Variants in FSTL4 observed in about 807,000 individuals in gnomAD.
FSTL4 encodes the protein follistatin like 4, also known as follistatin-related protein 4.
FSTL4 carries 28 observed loss-of-function variants against 78.2 expected under a neutral mutation model. That is an observed-to-expected ratio of 0.36 (90% confidence interval 0.27 to 0.49). The LOEUF is 0.49. Among genes scored for constraint, FSTL4 ranks in the 20% least tolerant of loss-of-function variants. The pLI, the probability that FSTL4 is intolerant of heterozygous loss-of-function variation, is 0.98. For synonymous variants in FSTL4, 422 were observed against 440.5 expected (o/e 0.96, Z 0.53); for missense variants, 922 against 1,084.9 (o/e 0.85, Z 2.11).
chr5:133,752,624 AAAATTAAATTAAATT>A, the FSTL4 span, among the ~76,000 whole-genome samples: 1 of 147,844 alleles, frequency 6.8e-6, no homozygotes, highest in African/African-American at 2.5e-5. Flanking sequence ...AAAATAAAAT[AAAATTAAATTAAATT>A]AAATTAAATT....
At chr5:133,347,759 C>G (rs1754727900) in intron 4 of FSTL4, among the ~76,000 whole-genome samples, 1 of 152,180 alleles carries the variant, frequency 6.6e-6, no homozygotes, top group African/African-American at 2.4e-5. Flanking sequence ...AAAACAAAAA[C>G]AAACAAAACC....
chr5:133,497,609 G>T (rs913454723), intron 3 of FSTL4, among the ~76,000 whole-genome samples: 2 of 152,118 alleles, frequency 1.3e-5, no homozygotes, highest in Non-Finnish European at 2.9e-5. Flanking sequence ...GGCAGACAGG[G>T]GTACTGGGGC....
At chr5:133,615,063 T>A (rs1444766951), upstream of FSTL4, among the ~76,000 whole-genome samples, 1 of 152,174 alleles carries the variant, frequency 6.6e-6, no homozygotes, top group Non-Finnish European at 1.5e-5. Flanking sequence ...CACCTGCATA[T>A]CAGGATACTC....
At chr5:133,203,420 C>T (rs1430785630) in intron 14 of FSTL4, among the ~76,000 whole-genome samples, 1 of 152,312 alleles carries the variant, frequency 6.6e-6, no homozygotes, top group South Asian at 2.1e-4. Flanking sequence ...AAACAAACAG[C>T]ACCTGGCCTG....
chr5:133,718,860 C>T, the FSTL4 span, among the ~76,000 whole-genome samples: 2 of 152,132 alleles, frequency 1.3e-5, no homozygotes, highest in African/African-American at 4.8e-5. Context: ...CATGTACATA[C>T]CAATAAGCTA....
At chr5:133,327,091 C>T (rs1055473190) in intron 4 of FSTL4, among the ~76,000 whole-genome samples, 1 of 152,184 alleles carries the variant, frequency 6.6e-6, no homozygotes, top group African/African-American at 2.4e-5. Context: ...AGTAGCAGAT[C>T]CAAGATCAGA....
At chr5:133,630,718 T>A in the FSTL4 span, among the ~76,000 whole-genome samples, 1 of 152,312 alleles carries the variant, frequency 6.6e-6, no homozygotes, top group East Asian at 1.9e-4. Context: ...GCTGGAGGCA[T>A]CACGCTACCT....
At chr5:133,314,878 T>C (rs1229864704) in intron 5 of FSTL4, among the ~76,000 whole-genome samples, 1 of 152,172 alleles carries the variant, frequency 6.6e-6, no homozygotes, top group African/African-American at 2.4e-5. Context: ...AAACACACCA[T>C]GTGGCCAGGC....
the FSTL4 span, among the ~76,000 whole-genome samples, chr5:133,758,255 G>T: frequency 6.6e-6 from 1 of 152,154 alleles, no homozygotes; most frequent in East Asian, 1.9e-4. Context: ...TAGGAAGGTT[G>T]AGAATAGATA....
In FSTL4 at chr5:133,418,939, G is replaced by A. The variant is rs1337200719; in HGVS notation, c.161-17953C>T. Among the ~76,000 whole-genome samples, 4 of 152,066 alleles carry A rather than the reference G, an allele frequency of 2.6e-5. No individual in the cohort carries two copies. In the East Asian group the frequency reaches 7.7e-4, roughly 29 times the overall value. On this transcript the variant is annotated intron_variant, in intron 3 of 15. Transcript: ENST00000265342. Reference sequence around the variant, plus strand: ...CCAACCCAAGTCTGATCTGGCTTTTGTCATCAGACATTAGTTTGGATTTCC... The same window carrying A: ...CCAACCCAAGTCTGATCTGGCTTTTATCATCAGACATTAGTTTGGATTTCC...
intron 3 of FSTL4, among the ~76,000 whole-genome samples, chr5:133,435,540 C>A (rs902159479): frequency 6.6e-6 from 1 of 152,182 alleles, no homozygotes; most frequent in East Asian, 1.9e-4. Context: ...ATGAAGTCAT[C>A]CACCTTATTA....
the FSTL4 span, among the ~76,000 whole-genome samples, chr5:133,794,631 T>C: frequency 6.6e-6 from 1 of 152,168 alleles, no homozygotes; most frequent in Non-Finnish European, 1.5e-5. Flanking sequence ...TAGAATCCTA[T>C]TACATAAAAC....
At position 133,582,819 on chromosome 5, in the gene FSTL4, G is replaced by C. The variant is rs561829800; in HGVS notation, c.127-15600C>G. ...TTCTGCAGGTATAGATACCTCATCTGTCCTGGGCCCTGTATGTCCCTGGGC... is the reference window on the plus strand; with the variant it reads ...TTCTGCAGGTATAGATACCTCATCTCTCCTGGGCCCTGTATGTCCCTGGGC... On this transcript the variant is annotated intron_variant, in intron 2 of 15. Coordinates refer to ENST00000265342, the MANE Select transcript of FSTL4 (RefSeq NM_015082.2). 5.8e-4 allele frequency among the ~76,000 whole-genome samples: 88 copies of C among 152,224 alleles called. 1 individual carries two copies. Among genetic ancestry groups the C allele is most frequent in the African/African-American group, 2.0e-3 (84 of 41,518 alleles).
the FSTL4 span, among the ~76,000 whole-genome samples, chr5:133,767,778 C>G: frequency 6.6e-6 from 1 of 152,210 alleles, no homozygotes; most frequent in Admixed American, 6.5e-5. Context: ...GGTTCTAGCA[C>G]ACAGGCAGCT....
Position 133,262,100 on chromosome 5 carries a change from T to C in FSTL4, c.728-12524A>G, listed in dbSNP as rs992641372. 2.0e-5 allele frequency among the ~76,000 whole-genome samples: 3 copies of C among 152,076 alleles called. No homozygotes were observed. The South Asian group carries it at 6.2e-4, about 32-fold the overall frequency. On this transcript the variant is annotated intron_variant, in intron 6 of 15. Transcript: ENST00000265342. Reference sequence around the variant, plus strand: ...GGCAAAGGTTAAGTCTCGCACCCCCTATGCTTGAATAAACTGCGCTCTACC... The same window carrying C: ...GGCAAAGGTTAAGTCTCGCACCCCCCATGCTTGAATAAACTGCGCTCTACC...
chr5:133,514,892 T>A (rs1021187978), intron 3 of FSTL4, among the ~76,000 whole-genome samples: 1 of 152,222 alleles, frequency 6.6e-6, no homozygotes, highest in Admixed American at 6.5e-5. Flanking sequence ...TTAGGAAGTA[T>A]AATAAGGAAG....
At chr5:133,551,717 T>C (rs1453998213) in intron 3 of FSTL4, among the ~76,000 whole-genome samples, 1 of 152,258 alleles carries the variant, frequency 6.6e-6, no homozygotes, top group Non-Finnish European at 1.5e-5. Context: ...AATGTCTCTT[T>C]TTCTAACCCA....
the FSTL4 span, among the ~76,000 whole-genome samples, chr5:133,832,827 T>C: frequency 6.6e-6 from 1 of 152,248 alleles, no homozygotes; most frequent in Non-Finnish European, 1.5e-5. Flanking sequence ...TGTCACCAAC[T>C]ATCCAACTCT....
the FSTL4 span, among the ~76,000 whole-genome samples, chr5:133,787,828 A>G: frequency 1.3e-5 from 2 of 152,072 alleles, no homozygotes; most frequent in Non-Finnish European, 2.9e-5. Flanking sequence ...GCCTCTCATC[A>G]AGGGTCCAGC....
Sources: allele counts gnomAD v4.1 joint callset (sites outside exome capture counted in the v4.1 genomes callset), GRCh38; gene constraint gnomAD v4.1.1; transcripts MANE v1.5; gene names NCBI Gene and HGNC (gene_info 2026-07-23, HGNC 2026-07-21).